Variants in CPLANE1 observed in about 807,000 individuals in gnomAD.
CPLANE1 encodes the protein ciliogenesis and planar polarity effector 1.
CPLANE1 carries 263 observed loss-of-function variants against 362.5 expected under a neutral mutation model. The observed-to-expected ratio is 0.73, with a 90% CI of 0.66 to 0.80. The LOEUF is 0.80. Ranked by LOEUF, CPLANE1 falls within the 30% of genes least tolerant of loss-of-function variation. The probability of loss-of-function intolerance (pLI) is 0.00; values close to 1 mark genes in which losing one functional copy is unlikely to be tolerated. For synonymous variants in CPLANE1, 1,212 were observed against 1,302.6 expected (o/e 0.93, Z 1.50); for missense variants, 3,461 against 3,793.4 (o/e 0.91, Z 2.30).
intron 46 of CPLANE1, among the ~76,000 whole-genome samples, chr5:37,128,506 C>T (rs1439263597): frequency 1.3e-5 from 2 of 152,110 alleles, no homozygotes; most frequent in African/African-American, 2.4e-5. Flanking sequence ...GGAAACATAT[C>T]CCATGCTCAT....
chr5:37,145,772 A>C (rs1324092901), intron 43 of CPLANE1, among the ~76,000 whole-genome samples: 1 of 152,228 alleles, frequency 6.6e-6, no homozygotes, highest in Non-Finnish European at 1.5e-5. Context: ...TGGCAAAAAA[A>C]CCACCATGAA....
chr5:37,097,892 T>C, the CPLANE1 span, among the ~76,000 whole-genome samples: 4 of 152,278 alleles, frequency 2.6e-5, no homozygotes, highest in African/African-American at 9.6e-5. Flanking sequence ...TTAAATGTCC[T>C]ACTTAAAAGA....
At chr5:37,103,620 T>C (rs1465994400), downstream of CPLANE1, among the ~76,000 whole-genome samples, 2 of 152,214 alleles carry the variant, frequency 1.3e-5, no homozygotes, top group Non-Finnish European at 2.9e-5. Flanking sequence ...TCTCTTTCAT[T>C]TATGAAGCTT....
rs1236306561 is a variant in CPLANE1, at chr5:37,167,198, G to A, written c.7249C>T (p.Leu2417Phe). 5 of 1,609,146 alleles carry A rather than the reference G, an allele frequency of 3.1e-6. No individual in the cohort carries two copies. In the Admixed American group the frequency reaches 8.5e-5, roughly 27 times the overall value. Residue 2417 changes from leucine to phenylalanine, a missense_variant, in exon 35 of 53, where the codon CTT becomes TTT. Coordinates refer to ENST00000651892, the MANE Select transcript of CPLANE1 (RefSeq NM_001384732.1). ...SPENRCKKTQ[L>F]IPLENLIAFK... Reference sequence around the variant, plus strand: ...GCAATGAGGTTTTCAAGTGGGATAAGTTGTGTTTTTTTGCACTACAAGAAA... The same window carrying A: ...GCAATGAGGTTTTCAAGTGGGATAAATTGTGTTTTTTTGCACTACAAGAAA...
At position 37,244,368 on chromosome 5, in the gene CPLANE1, A is replaced by G; in HGVS notation, c.570+7T>C. ...CTTCACAGATAAGAGTCTGAGACTG[A>G]TTTTACCTCATTTTTTATAAAAACA... is the stretch of plus-strand genomic sequence containing the variant. On this transcript the variant is annotated splice_region_variant and intron_variant, in intron 5 of 52. Coordinates refer to ENST00000651892, the MANE Select transcript of CPLANE1 (RefSeq NM_001384732.1). 1 of 1,542,968 alleles carries G rather than the reference A, an allele frequency of 6.5e-7. No individual in the cohort carries two copies.
At chr5:37,161,760 AT>A (rs1776905049) in intron 38 of CPLANE1, among the ~76,000 whole-genome samples, 1 of 152,214 alleles carries the variant, frequency 6.6e-6, no homozygotes, top group African/African-American at 2.4e-5. Context: ...AGAAAAAACA[AT>A]ATCAAACCGT....
intron 32 of CPLANE1, among the ~76,000 whole-genome samples, chr5:37,172,762 G>A (rs1371131733): frequency 6.6e-6 from 1 of 152,214 alleles, no homozygotes; most frequent in East Asian, 1.9e-4. Flanking sequence ...AAGGCAGGCA[G>A]ATCACCTGAG....
chr5:37,194,393 A>G (rs912988470), intron 21 of CPLANE1, among the ~76,000 whole-genome samples: 4 of 152,222 alleles, frequency 2.6e-5, no homozygotes, highest in Non-Finnish European at 5.9e-5. Flanking sequence ...TTATGAGCAA[A>G]TATCTTTTAA....
rs1580900907 is a variant in CPLANE1, at chr5:37,227,509, A to C, written c.1371+59T>G. 6 of 1,491,784 alleles carry C rather than the reference A, an allele frequency of 4.0e-6. No homozygotes were observed. The East Asian group carries it at 1.5e-4, about 37-fold the overall frequency. The allele number at this position is 1,491,784 out of a possible 1,614,324, so 92.4% of individuals were successfully genotyped here. ...AATTCAAGGACATTATTGTCAGTAAAGTTTTAAATTTGAAAAGAAAAAGGC... is the reference window on the plus strand; with the variant it reads ...AATTCAAGGACATTATTGTCAGTAACGTTTTAAATTTGAAAAGAAAAAGGC... On this transcript the variant is annotated intron_variant, in intron 10 of 52. Coordinates refer to ENST00000651892, the MANE Select transcript of CPLANE1 (RefSeq NM_001384732.1).
At chr5:37,166,920 T>G (rs1778394015) in intron 35 of CPLANE1, 127 bp downstream of exon 35, 1 of 713,924 alleles carries the variant, frequency 1.4e-6, no homozygotes, top group South Asian at 2.0e-5. Context: ...GCATGACACT[T>G]GAAAAGAAAA....
intron 38 of CPLANE1, among the ~76,000 whole-genome samples, chr5:37,162,044 T>C (rs1169669834): frequency 6.6e-6 from 1 of 152,194 alleles, no homozygotes; most frequent in African/African-American, 2.4e-5. Flanking sequence ...TTCCAAATAA[T>C]AGGTCCTCCA....
intron 46 of CPLANE1, among the ~76,000 whole-genome samples, chr5:37,128,431 C>T (rs2150185769): frequency 6.6e-6 from 1 of 152,274 alleles, no homozygotes; most frequent in South Asian, 2.1e-4. Flanking sequence ...GATGGTGTCA[C>T]CTGGAGCTTA....
At position 37,204,513 on chromosome 5, in the gene CPLANE1, A is replaced by G. The variant is rs183020151; in HGVS notation, c.3289+802T>C. ...TAATACCATTTTGAACTTTTCAAATAAAAAAGATCTATAATTTATGCACTA... is the reference window on the plus strand; with the variant it reads ...TAATACCATTTTGAACTTTTCAAATGAAAAAGATCTATAATTTATGCACTA... On this transcript the variant is annotated intron_variant, in intron 18 of 52. Coordinates refer to ENST00000651892, the MANE Select transcript of CPLANE1 (RefSeq NM_001384732.1). Among the ~76,000 whole-genome samples the G allele has an allele frequency of 2.2e-3, 333 of 152,304 alleles. 1 individual carries two copies. The highest frequency in any genetic ancestry group is 3.1e-3 in the Non-Finnish European group (211 of 68,024).
At chr5:37,245,143 C>CAA (rs376127938) in intron 4 of CPLANE1, among the ~76,000 whole-genome samples, 1 of 141,412 alleles carries the variant, frequency 7.1e-6, no homozygotes, top group African/African-American at 2.6e-5. Flanking sequence ...GACTCCGTCT[C>CAA]AAAAAAAAGA....
At chr5:37,155,461 G>A (rs767380576) in intron 41 of CPLANE1, among the ~76,000 whole-genome samples, 14 of 152,094 alleles carry the variant, frequency 9.2e-5, no homozygotes, top group Non-Finnish European at 1.6e-4. Context: ...TGCAACCTCT[G>A]CCTCCTGGAC....
chr5:37,206,513 A>G (rs1790784781), intron 16 of CPLANE1, 88 bp from the exon 17 acceptor site: 1 of 857,962 alleles, frequency 1.2e-6, no homozygotes, highest in East Asian at 2.7e-5. Flanking sequence ...TTCAATCAGT[A>G]TTATCTACAA....
At chr5:37,124,418 A>C (rs1030988452) in intron 47 of CPLANE1, among the ~76,000 whole-genome samples, 2 of 152,144 alleles carry the variant, frequency 1.3e-5, no homozygotes, top group East Asian at 3.9e-4. Flanking sequence ...GCTGAGTTTT[A>C]AAAACAGTTA....
In CPLANE1 at chr5:37,221,348, C is replaced by T. The variant is rs1416725338; in HGVS notation, c.2722G>A (p.Val908Ile). The change falls in exon 15 of 53, where the codon GTA becomes ATA. Residue 908 changes from valine to isoleucine, a missense_variant. This residue lies in a region of CPLANE1 where 3,380 missense variants were observed against 3,666.1 expected (regional missense o/e 0.92). Coordinates refer to ENST00000651892, the MANE Select transcript of CPLANE1 (RefSeq NM_001384732.1). ...REILRWSQLP[V>I]KENKDFSGAA... is the part of the protein sequence containing the mutation. Reference sequence around the variant, plus strand: ...CCTGAAAAATCTTTATTTTCTTTTACAGGTAGTTGGGACCATCTCAGGATT... The same window carrying T: ...CCTGAAAAATCTTTATTTTCTTTTATAGGTAGTTGGGACCATCTCAGGATT... 1.3e-6 allele frequency: 2 copies of T among 1,488,086 alleles called. No homozygotes were observed. The highest frequency in any genetic ancestry group is 2.6e-5 in the East Asian group (1 of 38,318). 92.2% of individuals were successfully genotyped at this position (1,488,086 alleles called of 1,614,324 possible).
At chr5:37,132,237 A>G (rs1322220461) in intron 46 of CPLANE1, among the ~76,000 whole-genome samples, 1 of 152,074 alleles carries the variant, frequency 6.6e-6, no homozygotes, top group African/African-American at 2.4e-5. Context: ...TTATAAGTTC[A>G]ATAATAACTT....
Sources: gnomAD v4.1 joint callset for allele counts (sites outside exome capture counted in the v4.1 genomes callset) on GRCh38, gnomAD v4.1.1 for gene constraint, gnomAD v4.1.1 regional missense constraint, MANE v1.5 for transcripts, NCBI Gene and HGNC (gene_info 2026-07-23, HGNC 2026-07-21) for gene names.